TENM2: variants seen among roughly 807,000 people sequenced by gnomAD.
The protein encoded by TENM2 is teneurin-2.
TENM2 carries 52 observed loss-of-function variants against 245.2 expected under a neutral mutation model. That is an observed-to-expected ratio of 0.21 (90% CI 0.17 to 0.27). The LOEUF is 0.27. Ranked by LOEUF, TENM2 falls within the 10% of genes least tolerant of loss-of-function variation. The probability of loss-of-function intolerance (pLI) is 1.00; values close to 1 mark genes in which losing one functional copy is unlikely to be tolerated. For synonymous variants in TENM2, 1,363 were observed against 1,438.9 expected, an observed-to-expected ratio of 0.95 and a Z score of 1.19; for missense variants, 3,046 against 3,666.8, an observed-to-expected ratio of 0.83 and a Z score of 4.37.
chr5:168,203,748 G>A (rs1206939649), exon 18 of TENM2: 16 of 1,613,304 alleles, frequency 9.9e-6, no homozygotes, highest in Non-Finnish European at 1.4e-5. Flanking sequence ...GAAAAGGACA[G>A]CCCTCCTTCA....
intron 2 of TENM2, among the ~76,000 whole-genome samples, chr5:167,544,025 C>A (rs946676106): frequency 1.3e-5 from 2 of 152,146 alleles, no homozygotes; most frequent in African/African-American, 4.8e-5. Context: ...GGGTCCAGGA[C>A]TTCAAGATCT....
the TENM2 span, among the ~76,000 whole-genome samples, chr5:167,182,478 A>G: frequency 6.6e-6 from 1 of 152,112 alleles, no homozygotes; most frequent in East Asian, 1.9e-4. Context: ...ACTAATCGTG[A>G]TTAGATGAAT....
At chr5:168,052,308 G>C (rs1016298147) in intron 6 of TENM2, among the ~76,000 whole-genome samples, 1 of 151,530 alleles carries the variant, frequency 6.6e-6, no homozygotes, top group Non-Finnish European at 1.5e-5. Flanking sequence ...GGAGAATGGC[G>C]TGAACCCAGG....
At chr5:166,999,251 C>T in the TENM2 span, among the ~76,000 whole-genome samples, 8 of 152,118 alleles carry the variant, frequency 5.3e-5, no homozygotes, top group East Asian at 1.5e-3. Flanking sequence ...TTTTGAGAAC[C>T]AGGTGACAGC....
chr5:167,430,145 A>G (rs553465883), intron 2 of TENM2, among the ~76,000 whole-genome samples: 1 of 152,286 alleles, frequency 6.6e-6, no homozygotes, highest in South Asian at 2.1e-4. Context: ...AGAGAAACCA[A>G]CGGAGAGGTT....
the TENM2 span, among the ~76,000 whole-genome samples, chr5:167,105,299 T>G: frequency 6.6e-6 from 1 of 152,198 alleles, no homozygotes. Context: ...ATATCCATAA[T>G]GCTTTTATTG....
rs568597726 is a variant in TENM2, at chr5:167,477,392, A to G, written c.502+101919A>G. 1.2e-4 allele frequency among the ~76,000 whole-genome samples: 19 copies of G among 152,036 alleles called. No homozygotes were observed. The South Asian group carries it at 1.3e-3, about 10-fold the overall frequency. On this transcript the variant is annotated intron_variant, in intron 2 of 28. Coordinates refer to ENST00000518659, the Ensembl canonical transcript of TENM2. ...CAATGAAAAAGACAAAAATGCATAAACATTATAATAAAAATAGTTATGATC... is the reference window on the plus strand; with the variant it reads ...CAATGAAAAAGACAAAAATGCATAAGCATTATAATAAAAATAGTTATGATC...
intron 2 of TENM2, among the ~76,000 whole-genome samples, chr5:167,550,695 TGTTA>T (rs1772873288): frequency 7.9e-6 from 1 of 126,478 alleles, no homozygotes; most frequent in East Asian, 2.4e-4. Context: ...TTTTTGTTGT[TGTTA>T]GTGTGTGTGT....
At chr5:167,813,191 T>C (rs1318323841) in intron 2 of TENM2, among the ~76,000 whole-genome samples, 1 of 152,018 alleles carries the variant, frequency 6.6e-6, no homozygotes, top group Non-Finnish European at 1.5e-5. Context: ...CTGAGGGAGA[T>C]GTGTGCATCC....
At chr5:167,827,261 A>T (rs1052221290) in intron 2 of TENM2, among the ~76,000 whole-genome samples, 2 of 152,224 alleles carry the variant, frequency 1.3e-5, no homozygotes, top group Non-Finnish European at 2.9e-5. Flanking sequence ...TCTTCAGTGG[A>T]ACAGAATGCA....
intron 2 of TENM2, among the ~76,000 whole-genome samples, chr5:167,404,519 G>A (rs1762526261): frequency 6.6e-6 from 1 of 152,008 alleles, no homozygotes; most frequent in South Asian, 2.1e-4. Flanking sequence ...AACCTTTGAA[G>A]GAAGCCCTTT....
At chr5:168,200,417 A>C (rs1761832834) in intron 17 of TENM2, among the ~76,000 whole-genome samples, 1 of 152,220 alleles carries the variant, frequency 6.6e-6, no homozygotes, top group South Asian at 2.1e-4. Flanking sequence ...GTGAGCATTT[A>C]GGGAAGGCTC....
At position 168,127,014 on chromosome 5, in the gene TENM2, G is replaced by T. The variant is rs114470345; in HGVS notation, c.2422+48G>T. 1.5e-3 allele frequency: 2,157 copies of T among 1,478,190 alleles called. 27 individuals are homozygous for T. In the African/African-American group the frequency reaches 0.027, roughly 18 times the overall value. 91.6% of individuals were successfully genotyped at this position (1,478,190 alleles called of 1,614,324 possible). ...AAATTGTAGATCTATAGTGATGGTCGCGCATGGCAACTGGCTGTTCCTTCA... is the reference window on the plus strand; with the variant it reads ...AAATTGTAGATCTATAGTGATGGTCTCGCATGGCAACTGGCTGTTCCTTCA... On this transcript the variant is annotated intron_variant, in intron 12 of 28. Coordinates refer to ENST00000518659, the Ensembl canonical transcript of TENM2.
intron 4 of TENM2, among the ~76,000 whole-genome samples, chr5:167,983,750 A>C (rs886913797): frequency 2.0e-5 from 3 of 152,212 alleles, no homozygotes; most frequent in African/African-American, 7.2e-5. Flanking sequence ...ACCTAAGCAT[A>C]AATTCTCAAC....
At chr5:167,945,994 A>G (rs1204202408) in intron 3 of TENM2, among the ~76,000 whole-genome samples, 1 of 152,214 alleles carries the variant, frequency 6.6e-6, no homozygotes, top group East Asian at 1.9e-4. Context: ...TTGCGACAGC[A>G]GTGACCAGAT....
intron 7 of TENM2, among the ~76,000 whole-genome samples, chr5:168,078,892 A>G (rs1791719237): frequency 6.6e-6 from 1 of 152,202 alleles, no homozygotes; most frequent in South Asian, 2.1e-4. Flanking sequence ...CTTTTGGTTT[A>G]GGATTGTCTT....
intron 27 of TENM2, among the ~76,000 whole-genome samples, chr5:168,256,182 G>T (rs1342194287): frequency 6.6e-6 from 1 of 150,556 alleles, no homozygotes; most frequent in Non-Finnish European, 1.5e-5. Context: ...AATAATACAA[G>T]TGATACCTAG....
intron 23 of TENM2, 24 bp from the exon 26 acceptor site, chr5:168,226,064 A>C (rs755717727): frequency 8.7e-5 from 135 of 1,543,320 alleles, no homozygotes; most frequent in Non-Finnish European, 1.2e-4. Context: ...ACCAGGGTTT[A>C]TCTATCTATC....
intron 20 of TENM2, among the ~76,000 whole-genome samples, chr5:168,212,642 G>C (rs1762879172): frequency 1.3e-5 from 2 of 152,278 alleles, no homozygotes; most frequent in Admixed American, 6.5e-5. Context: ...CAGTGGAAAG[G>C]CCATGCATTG....
Sources: gnomAD v4.1 joint callset for allele counts (sites outside exome capture counted in the v4.1 genomes callset) on GRCh38, gnomAD v4.1.1 for gene constraint, MANE v1.5 for transcripts, NCBI Gene and HGNC (gene_info 2026-07-23, HGNC 2026-07-21) for gene names.